ATP10B: variants seen among roughly 807,000 people sequenced by gnomAD.
ATP10B encodes ATPase phospholipid transporting 10B (putative).
ATP10B carries 122 observed loss-of-function variants against 141.2 expected under a neutral mutation model. The observed-to-expected ratio is 0.86, with a 90% confidence interval of 0.75 to 1.00. The LOEUF (loss-of-function observed/expected upper bound fraction) is 1.00, where lower values mean the gene tolerates loss of function less well. Among genes scored for constraint, ATP10B ranks in the 50% least tolerant of loss-of-function variants. The pLI is 0.00. For missense variants in ATP10B, 1,876 were observed against 1,825.3 expected, an observed-to-expected ratio of 1.03 and a Z score of -0.51; for synonymous variants, 685 against 692.0, an observed-to-expected ratio of 0.99 and a Z score of 0.16.
chr5:160,581,479 C>T (rs981111197), intron 24 of ATP10B, among the ~76,000 whole-genome samples: 19 of 151,954 alleles, frequency 1.3e-4, no homozygotes, highest in Non-Finnish European at 2.4e-4. Context: ...TTCTTAATGC[C>T]GAGTTCTAAT....
chr5:160,869,351 C>A, the ATP10B span, among the ~76,000 whole-genome samples: 1 of 151,952 alleles, frequency 6.6e-6, no homozygotes, highest in Non-Finnish European at 1.5e-5. Flanking sequence ...TCACCCCTAC[C>A]CCTATTTGGT....
chr5:160,776,110 G>A (rs1332607531), intron 2 of ATP10B, among the ~76,000 whole-genome samples: 3 of 152,174 alleles, frequency 2.0e-5, no homozygotes, highest in East Asian at 3.8e-4. Context: ...GCTTTATGAA[G>A]GGAATGGATG....
chr5:160,590,203 C>A (rs943628465), intron 23 of ATP10B, among the ~76,000 whole-genome samples: 5 of 152,072 alleles, frequency 3.3e-5, no homozygotes. Flanking sequence ...AGGGTGAACA[C>A]AGACGGTTTG....
chr5:160,688,017 A>C lies in ATP10B; in HGVS notation c.58T>G (p.Phe20Val), dbSNP rs764203781. 6.2e-6 allele frequency: 10 copies of C among 1,613,946 alleles called. No individual in the cohort carries two copies. In the Admixed American group the frequency reaches 6.7e-5, roughly 11 times the overall value. Reference sequence around the variant, plus strand: ...GTGGTTTCCGATGGACAATGGGGGAAGCCATCTCTGACTCTCCACTGCCAC... The same window carrying C: ...GTGGTTTCCGATGGACAATGGGGGACGCCATCTCTGACTCTCCACTGCCAC... Reference protein sequence around the residue: ...HRWQWRVRDGFPHCPSETTPL... With the variant: ...HRWQWRVRDGVPHCPSETTPL... Residue 20 changes from phenylalanine (F) to valine (V), a missense_variant, in exon 5 of 26, where the codon TTC becomes GTC. Physicochemically the swap from Phe to Val is conservative, Grantham distance 50 (BLOSUM62 -1). Transcript: ENST00000327245.
chr5:160,909,317 C>T, the ATP10B span, among the ~76,000 whole-genome samples: 652 of 152,192 alleles, frequency 4.3e-3, 7 homozygotes, highest in Admixed American at 9.5e-3. Context: ...ATTCTTGGTT[C>T]CCAAACAGGA....
At chr5:160,830,729 A>G (rs1775011708) in intron 1 of ATP10B, among the ~76,000 whole-genome samples, 1 of 151,992 alleles carries the variant, frequency 6.6e-6, no homozygotes, top group Non-Finnish European at 1.5e-5. Context: ...TGCATATTTG[A>G]CAACTACGTC....
chr5:160,737,813 T>C (rs989639483), intron 2 of ATP10B, among the ~76,000 whole-genome samples: 2 of 152,086 alleles, frequency 1.3e-5, no homozygotes, highest in East Asian at 3.8e-4. Context: ...CTTAAAAATA[T>C]GTAAAGCAAA....
chr5:160,589,346 G>C (rs368422627), intron 24 of ATP10B, among the ~76,000 whole-genome samples: 17 of 152,168 alleles, frequency 1.1e-4, no homozygotes, highest in African/African-American at 3.9e-4. Flanking sequence ...ATCTATTTTT[G>C]CAACTAATTG....
chr5:160,620,615 ACAGAACT>A lies in ATP10B; in HGVS notation c.2141_2147del (p.Glu714ValfsTer23). 1 of 1,613,842 alleles carries A rather than the reference ACAGAACT, an allele frequency of 6.2e-7. No homozygotes were observed. The highest frequency in any genetic ancestry group is 8.5e-7 in the Non-Finnish European group (1 of 1,179,752). On this transcript the variant is annotated frameshift_variant, in exon 15 of 26. Coordinates refer to ENST00000327245, the MANE Select transcript of ATP10B (RefSeq NM_025153.3). LOFTEE classifies it high-confidence loss of function. ...CCTCATCAGGGCTCTCAGCCTCGTA[ACAGAACT>A]CAGGCCTGGCCAGGTCTGTGGCTGG...
At chr5:160,734,576 T>C (rs572994423) in intron 2 of ATP10B, among the ~76,000 whole-genome samples, 1 of 151,708 alleles carries the variant, frequency 6.6e-6, no homozygotes, top group African/African-American at 2.4e-5. Flanking sequence ...GTACAACCAC[T>C]GAAAAAAATG....
chr5:160,864,596 AAAAT>A, the ATP10B span, among the ~76,000 whole-genome samples: 1 of 152,038 alleles, frequency 6.6e-6, no homozygotes, highest in East Asian at 1.9e-4. Context: ...AGAGAAAAAA[AAAAT>A]AAAGAGTATC....
chr5:160,602,758 G>T, intron 20 of ATP10B, 56 bp from the exon 21 acceptor site: 1 of 1,609,576 alleles, frequency 6.2e-7, no homozygotes. Flanking sequence ...GTGCCCCAGA[G>T]GGACTCTCTC....
At chr5:160,918,702 G>A in the ATP10B span, among the ~76,000 whole-genome samples, 24 of 152,214 alleles carry the variant, frequency 1.6e-4, no homozygotes, top group Admixed American at 1.2e-3. Flanking sequence ...GGATCATCAC[G>A]GGGACAAAAG....
chr5:160,743,329 G>A (rs949324852), intron 2 of ATP10B, among the ~76,000 whole-genome samples: 1 of 152,180 alleles, frequency 6.6e-6, no homozygotes, highest in Non-Finnish European at 1.5e-5. Flanking sequence ...ATTGGAGCAA[G>A]TTGACAGGAA....
chr5:160,752,309 A>G (rs1352743735), intron 2 of ATP10B, among the ~76,000 whole-genome samples: 1 of 152,016 alleles, frequency 6.6e-6, no homozygotes, highest in African/African-American at 2.4e-5. Flanking sequence ...ATTACCCTAA[A>G]GTCCAGAGAG....
chr5:160,602,468 C>T, intron 21 of ATP10B, 109 bp downstream of exon 21: 3 of 1,457,024 alleles, frequency 2.1e-6, no homozygotes, highest in East Asian at 2.3e-5. Context: ...CTATGCCAGC[C>T]TGACTCCTTC....
the ATP10B span, among the ~76,000 whole-genome samples, chr5:160,900,071 G>C: frequency 6.6e-6 from 1 of 152,150 alleles, no homozygotes; most frequent in African/African-American, 2.4e-5. Flanking sequence ...GTGGAGCTCA[G>C]ACACAGATCA....
intron 2 of ATP10B, among the ~76,000 whole-genome samples, chr5:160,759,470 C>T (rs778055519): frequency 6.6e-6 from 1 of 152,164 alleles, no homozygotes; most frequent in African/African-American, 2.4e-5. Flanking sequence ...AATTATCATA[C>T]ACTGAATGCA....
the ATP10B span, among the ~76,000 whole-genome samples, chr5:160,899,118 A>C: frequency 6.6e-6 from 1 of 152,190 alleles, no homozygotes; most frequent in Non-Finnish European, 1.5e-5. Context: ...CATTCTGCAC[A>C]TATATCCCAG....
Sources: gnomAD v4.1 joint callset for allele counts (sites outside exome capture counted in the v4.1 genomes callset) on GRCh38, gnomAD v4.1.1 for gene constraint, MANE v1.5 for transcripts, NCBI Gene and HGNC (gene_info 2026-07-23, HGNC 2026-07-21) for gene names.